THSD7B: variants seen among roughly 807,000 people sequenced by gnomAD.
THSD7B encodes the protein thrombospondin type-1 domain-containing protein 7B.
A neutral mutation model predicts 213.6 loss-of-function variants in THSD7B; 138 were observed. The ratio of observed to expected loss-of-function variants is 0.65; its 90% CI spans 0.56 to 0.74. THSD7B has a LOEUF of 0.74. Ranked by LOEUF, THSD7B falls within the 30% of genes least tolerant of loss-of-function variation. The pLI, the probability that THSD7B is intolerant of heterozygous loss-of-function variation, is 0.00. For missense variants in THSD7B, 1,931 were observed against 1,991.5 expected (o/e 0.97, Z 0.58); for synonymous variants, 742 against 687.0 (o/e 1.08, Z -1.25).
chr2:137,660,629 C>T lies in THSD7B; in HGVS notation c.4458+883C>T, dbSNP rs78907760. On this transcript the variant is annotated intron_variant, in intron 25 of 27. Coordinates refer to ENST00000409968, the MANE Select transcript of THSD7B (RefSeq NM_001316349.2). ...TTTTCACCAACTCTCTGGATGTCCTCTTTAATTAAACAGAAAATACTTTTT... is the reference window on the plus strand; with the variant it reads ...TTTTCACCAACTCTCTGGATGTCCTTTTTAATTAAACAGAAAATACTTTTT... Among the ~76,000 whole-genome samples, 384 of 152,266 alleles carry T rather than the reference C, an allele frequency of 2.5e-3. 12 individuals carry two copies. In the East Asian group the frequency reaches 0.069, roughly 27 times the overall value.
chr2:137,440,011 G>T (rs932850404), intron 14 of THSD7B, among the ~76,000 whole-genome samples: 1 of 152,038 alleles, frequency 6.6e-6, no homozygotes, highest in Non-Finnish European at 1.5e-5. Context: ...AATGAAGAAC[G>T]CTTCCATCTA....
chr2:137,089,403 CAT>C (rs1182485476), intron 3 of THSD7B, among the ~76,000 whole-genome samples: 1 of 137,956 alleles, frequency 7.2e-6, no homozygotes, highest in Admixed American at 7.6e-5. Flanking sequence ...TGTATATATA[CAT>C]ATACACACAC....
chr2:136,768,455 G>A (rs1300333186), intron 1 of THSD7B, among the ~76,000 whole-genome samples: 2 of 152,106 alleles, frequency 1.3e-5, no homozygotes, highest in Non-Finnish European at 2.9e-5. Flanking sequence ...ACAAAGATTA[G>A]GCATTAAAGT....
intron 12 of THSD7B, among the ~76,000 whole-genome samples, chr2:137,279,408 T>A (rs1682947043): frequency 6.6e-6 from 1 of 151,934 alleles, no homozygotes; most frequent in Admixed American, 6.6e-5. Context: ...CCAGACATGG[T>A]AATGCATGCC....
chr2:137,234,764 A>G (rs1681727262), intron 9 of THSD7B, among the ~76,000 whole-genome samples: 1 of 152,196 alleles, frequency 6.6e-6, no homozygotes, highest in South Asian at 2.1e-4. Context: ...GGATATGAAG[A>G]TCAAGGGAAG....
At chr2:137,163,604 C>G (rs934336697) in intron 6 of THSD7B, among the ~76,000 whole-genome samples, 1 of 152,204 alleles carries the variant, frequency 6.6e-6, no homozygotes, top group Non-Finnish European at 1.5e-5. Context: ...TTCTGTAAAG[C>G]CTCCAGAGGG....
intron 20 of THSD7B, among the ~76,000 whole-genome samples, chr2:137,625,289 C>T (rs1204035534): frequency 2.3e-5 from 3 of 128,626 alleles, no homozygotes; most frequent in Non-Finnish European, 4.6e-5. Flanking sequence ...AACACTTGGA[C>T]ACAGGGTGGG....
chr2:137,089,712 G>A (rs539667000), intron 3 of THSD7B, among the ~76,000 whole-genome samples: 54 of 152,032 alleles, frequency 3.6e-4, no homozygotes, highest in Non-Finnish European at 6.3e-4. Flanking sequence ...GTGCAGTGTA[G>A]ACTGCTTGGG....
At chr2:137,103,483 C>A (rs148765834) in intron 4 of THSD7B, among the ~76,000 whole-genome samples, 14 of 152,174 alleles carry the variant, frequency 9.2e-5, no homozygotes, top group African/African-American at 3.1e-4. Context: ...AACTAAAGGG[C>A]AAAATAACCA....
chr2:137,243,197 G>T (rs904890146), intron 10 of THSD7B, among the ~76,000 whole-genome samples: 2 of 152,144 alleles, frequency 1.3e-5, no homozygotes, highest in Non-Finnish European at 2.9e-5. Context: ...TCTTAGAACA[G>T]ATCTTTCCCC....
intron 17 of THSD7B, among the ~76,000 whole-genome samples, chr2:137,574,102 C>A (rs1681412019): frequency 6.6e-6 from 1 of 152,026 alleles, no homozygotes; most frequent in Non-Finnish European, 1.5e-5. Flanking sequence ...ATCTTCCTCA[C>A]TTTTGTTTTT....
rs1399894329 is a variant in THSD7B at position 137,564,659 on chromosome 2, C to G, written c.3272+1305C>G. Among the ~76,000 whole-genome samples the G allele has an allele frequency of 4.6e-5, 7 of 151,988 alleles. No individual in the cohort carries two copies. In the East Asian group the frequency reaches 1.2e-3, roughly 25 times the overall value. On this transcript the variant is annotated intron_variant, in intron 16 of 27. Transcript: ENST00000409968. ...CCTATTCAGGCCTCTTAGAAATATT[C>G]AAGGAAAATCTCAGGAGAAAAAGAA...
chr2:137,091,934 C>A (rs1411065371), intron 3 of THSD7B, among the ~76,000 whole-genome samples: 1 of 152,092 alleles, frequency 6.6e-6, no homozygotes, highest in African/African-American at 2.4e-5. Flanking sequence ...TGTCCCCTCC[C>A]CCAGCCTCTG....
intron 1 of THSD7B, among the ~76,000 whole-genome samples, chr2:136,874,936 C>G (rs1303442702): frequency 6.6e-6 from 1 of 151,906 alleles, no homozygotes; most frequent in African/African-American, 2.4e-5. Flanking sequence ...TTGTGTTTTA[C>G]AAACAGAGGA....
At chr2:137,179,242 C>T (rs542960918) in intron 7 of THSD7B, among the ~76,000 whole-genome samples, 2 of 152,268 alleles carry the variant, frequency 1.3e-5, no homozygotes, top group South Asian at 4.1e-4. Context: ...CTAAGTTTTT[C>T]TATTCCCTAT....
At chr2:137,090,006 CAAAAA>C (rs1167491634) in intron 3 of THSD7B, among the ~76,000 whole-genome samples, 1 of 147,716 alleles carries the variant, frequency 6.8e-6, no homozygotes, top group South Asian at 2.1e-4. Context: ...GAGTCGGTCT[CAAAAA>C]AAAGTAAAAA....
intron 15 of THSD7B, among the ~76,000 whole-genome samples, chr2:137,460,017 C>G (rs986225798): frequency 2.0e-4 from 31 of 152,270 alleles, no homozygotes; most frequent in African/African-American, 7.0e-4. Flanking sequence ...CTTTTCTCTG[C>G]AGTTGACTTA....
intron 12 of THSD7B, among the ~76,000 whole-genome samples, chr2:137,344,119 T>C (rs1177083654): frequency 1.3e-5 from 2 of 151,554 alleles, no homozygotes; most frequent in African/African-American, 2.4e-5. Flanking sequence ...ATGAGAGGGA[T>C]CTAGGTTGCA....
At chr2:137,046,566 C>T (rs545074893) in intron 2 of THSD7B, among the ~76,000 whole-genome samples, 4 of 151,948 alleles carry the variant, frequency 2.6e-5, no homozygotes, top group East Asian at 3.9e-4. Context: ...ACCGTCTCTA[C>T]TAAAAATACA....
Sources: allele counts gnomAD v4.1 joint callset (sites outside exome capture counted in the v4.1 genomes callset), GRCh38; gene constraint gnomAD v4.1.1; transcripts MANE v1.5; gene names NCBI Gene and HGNC (gene_info 2026-07-23, HGNC 2026-07-21).